The following SLC35F4 variants were observed in gnomAD, a reference collection of about 807,000 sequenced individuals.
SLC35F4 encodes solute carrier family 35 member F4.
In SLC35F4, 24 loss-of-function variants were observed where a neutral mutation model predicts 44.2. The observed-to-expected ratio is 0.54, with a 90% CI of 0.39 to 0.76. The LOEUF is 0.76. SLC35F4 is among the 30% of genes least tolerant of loss of function. The probability of loss-of-function intolerance (pLI) is 0.00; values close to 1 mark genes in which losing one functional copy is unlikely to be tolerated. For missense variants in SLC35F4, 562 were observed against 586.1 expected (o/e 0.96, Z 0.42); for synonymous variants, 238 against 223.6 (o/e 1.06, Z -0.57).
intron 6 of SLC35F4, among the ~76,000 whole-genome samples, chr14:57,569,293 C>T (rs1422640853): frequency 6.6e-6 from 1 of 152,116 alleles, no homozygotes; most frequent in Non-Finnish European, 1.5e-5. Flanking sequence ...TAAATCCAAA[C>T]ACCTCAAAAT....
chr14:57,875,553 C>A (rs909897754), intron 1 of SLC35F4, among the ~76,000 whole-genome samples: 3 of 152,174 alleles, frequency 2.0e-5, no homozygotes, highest in Admixed American at 6.5e-5. Context: ...CAGCTGGGGA[C>A]TGAATAGGAT....
rs71104589 is a variant in SLC35F4 at position 57,865,058 on chromosome 14, A to ACCCCCC, written c.103+659_103+664dup. On this transcript the variant is annotated intron_variant, in intron 1 of 7. Coordinates refer to ENST00000556826, the MANE Select transcript of SLC35F4 (RefSeq NM_001306087.2). ...TGGCCCTGTCGCCTCCCCTTCTCAG[A>ACCCCCC]CCCCCCCCCCCCACGCCCCCAGTCT... Among the ~76,000 whole-genome samples, 57 of 125,058 alleles carry ACCCCCC rather than the reference A, an allele frequency of 4.6e-4. 1 individual carries two copies. Among genetic ancestry groups the ACCCCCC allele is most frequent in the Admixed American group, 7.6e-4 (9 of 11,796 alleles). The allele number at this position is 125,058 out of a possible 152,430, so 82.0% of individuals were successfully genotyped here. A position where few individuals can be genotyped will look rare whatever the true frequency, so the allele number is the denominator to read the frequency against.
At chr14:57,864,444 G>A (rs1229554399) in intron 1 of SLC35F4, among the ~76,000 whole-genome samples, 1 of 152,186 alleles carries the variant, frequency 6.6e-6, no homozygotes, top group Admixed American at 6.5e-5. Context: ...AAATCAGATA[G>A]GCCTTTCCTG....
intron 3 of SLC35F4, among the ~76,000 whole-genome samples, chr14:57,588,978 T>C (rs1207063169): frequency 6.6e-6 from 1 of 152,142 alleles, no homozygotes; most frequent in African/African-American, 2.4e-5. Flanking sequence ...AAAATGTAAA[T>C]GTTACCACCG....
intron 1 of SLC35F4, among the ~76,000 whole-genome samples, chr14:57,933,650 G>A (rs999383256): frequency 7.2e-5 from 11 of 152,164 alleles, no homozygotes; most frequent in African/African-American, 1.9e-4. Flanking sequence ...GTGAAAGGTC[G>A]CTGGCTGTCA....
intron 7 of SLC35F4, 119 bp downstream of exon 7, chr14:57,566,356 T>A: frequency 2.2e-6 from 2 of 925,734 alleles, no homozygotes; most frequent in Non-Finnish European, 3.2e-6. Flanking sequence ...TTTAAAAACA[T>A]CTTCCCAGGC....
intron 1 of SLC35F4, among the ~76,000 whole-genome samples, chr14:57,836,423 G>A (rs1335023642): frequency 6.6e-6 from 1 of 152,100 alleles, no homozygotes; most frequent in Non-Finnish European, 1.5e-5. Context: ...CTCCCGAGTA[G>A]CTGGGACTAC....
intron 1 of SLC35F4, among the ~76,000 whole-genome samples, chr14:57,706,306 CG>C (rs1340708517): frequency 6.6e-6 from 1 of 152,030 alleles, no homozygotes; most frequent in Admixed American, 6.6e-5. Context: ...GAGGGAGAAA[CG>C]GGTGGAATTG....
chr14:57,634,674 TC>T (rs1566709465), intron 1 of SLC35F4, among the ~76,000 whole-genome samples: 3 of 152,098 alleles, frequency 2.0e-5, no homozygotes, highest in Admixed American at 6.6e-5. Context: ...GGATTTTTTT[TC>T]CCCTAAGTAT....
chr14:57,980,798 T>C (rs191775062), intron 1 of SLC35F4, among the ~76,000 whole-genome samples: 9 of 152,368 alleles, frequency 5.9e-5, no homozygotes, highest in Admixed American at 2.0e-4. Flanking sequence ...TTGAGTTCTA[T>C]AGACAACTAG....
intron 1 of SLC35F4, among the ~76,000 whole-genome samples, chr14:57,856,209 A>T (rs1887072710): frequency 6.6e-6 from 1 of 151,996 alleles, no homozygotes; most frequent in Admixed American, 6.6e-5. Context: ...ATTAGGAGAA[A>T]TACCTAATGT....
intron 1 of SLC35F4, among the ~76,000 whole-genome samples, chr14:57,733,162 G>C (rs1382972860): frequency 6.6e-6 from 1 of 152,074 alleles, no homozygotes; most frequent in Non-Finnish European, 1.5e-5. Context: ...CCATATTATA[G>C]GTTTGTGTAG....
intron 1 of SLC35F4, among the ~76,000 whole-genome samples, chr14:57,960,885 C>T (rs919349361): frequency 6.6e-6 from 1 of 152,146 alleles, no homozygotes; most frequent in African/African-American, 2.4e-5. Context: ...CACTTGCATC[C>T]ACCTCACCTT....
chr14:57,742,844 G>A (rs886599789), intron 1 of SLC35F4, among the ~76,000 whole-genome samples: 6 of 152,126 alleles, frequency 3.9e-5, no homozygotes. Flanking sequence ...CTCAGCAAAT[G>A]TAAAAGAAGA....
In SLC35F4 at chr14:57,834,817, C is replaced by T. The variant is rs138586164; in HGVS notation, c.103+30906G>A. Among the ~76,000 whole-genome samples, 194 of 152,250 alleles carry T rather than the reference C, an allele frequency of 1.3e-3. 2 individuals carry two copies. The highest frequency in any genetic ancestry group is 0.01 in the East Asian group (52 of 5,172). On this transcript the variant is annotated intron_variant, in intron 1 of 7. Transcript: ENST00000556826. ...GGCGGATCACCTGAGGTCAGGAGTT[C>T]GAGACCAGCATGGCCAGCATGGCCA...
At chr14:57,803,251 G>A (rs1304144274) in intron 1 of SLC35F4, among the ~76,000 whole-genome samples, 1 of 152,050 alleles carries the variant, frequency 6.6e-6, no homozygotes, top group Non-Finnish European at 1.5e-5. Flanking sequence ...ATAAAATCAA[G>A]CACCCCTTCA....
intron 1 of SLC35F4, among the ~76,000 whole-genome samples, chr14:57,727,337 T>C (rs1039825557): frequency 3.9e-5 from 6 of 152,058 alleles, no homozygotes; most frequent in African/African-American, 1.4e-4. Context: ...TTGTCAATTT[T>C]ATCTTTTCAA....
chr14:57,656,932 A>G (rs2073990427), intron 1 of SLC35F4, among the ~76,000 whole-genome samples: 1 of 152,154 alleles, frequency 6.6e-6, no homozygotes. Flanking sequence ...CCATTTGTAC[A>G]TTACGTCTTT....
chr14:57,629,967 G>C (rs1594640336), intron 1 of SLC35F4: 4 of 519,092 alleles, frequency 7.7e-6, no homozygotes, highest in Middle Eastern at 6.7e-4. Context: ...ATGACACCAG[G>C]TATGAAGATT....
Sources: gnomAD v4.1 joint callset for allele counts (sites outside exome capture counted in the v4.1 genomes callset) on GRCh38, gnomAD v4.1.1 for gene constraint, MANE v1.5 for transcripts, NCBI Gene and HGNC (gene_info 2026-07-23, HGNC 2026-07-21) for gene names.